PPFIA2: variants seen among roughly 807,000 people sequenced by gnomAD.
PPFIA2 encodes PPFI scaffold protein A2, also known as liprin-alpha-2.
PPFIA2 carries 46 observed loss-of-function variants against 175.5 expected under a neutral mutation model. The observed-to-expected ratio is 0.26, with a 90% confidence interval of 0.21 to 0.34. PPFIA2 has a LOEUF of 0.34. Among genes scored for constraint, PPFIA2 ranks in the 10% least tolerant of loss-of-function variants. PPFIA2 has a pLI of 1.00. For missense variants in PPFIA2, 1,179 were observed against 1,506.1 expected (o/e 0.78, Z 3.60); for synonymous variants, 568 against 511.4 (o/e 1.11, Z -1.49).
intron 17 of PPFIA2, 78 bp from the exon 18 acceptor site, chr12:81,347,848 A>C (rs2059328328): frequency 6.5e-7 from 1 of 1,528,858 alleles, no homozygotes; most frequent in Non-Finnish European, 8.7e-7. Flanking sequence ...GATCATTGGA[A>C]TTCACATAAT....
intron 4 of PPFIA2, among the ~76,000 whole-genome samples, chr12:81,519,341 C>A (rs1230945732): frequency 6.6e-6 from 1 of 152,136 alleles, no homozygotes; most frequent in Non-Finnish European, 1.5e-5. Flanking sequence ...TACTTAAAGA[C>A]TAATTTTAAT....
intron 4 of PPFIA2, among the ~76,000 whole-genome samples, chr12:81,612,767 A>AT (rs1021956834): frequency 6.6e-6 from 1 of 152,254 alleles, no homozygotes; most frequent in Non-Finnish European, 1.5e-5. Context: ...AAATATGTAT[A>AT]TGAATGTACA....
At chr12:81,724,781 C>A (rs975936943) in intron 3 of PPFIA2, among the ~76,000 whole-genome samples, 5 of 150,878 alleles carry the variant, frequency 3.3e-5, no homozygotes, top group Non-Finnish European at 7.4e-5. Flanking sequence ...AATAGTGCTG[C>A]AATAAACATA....
At chr12:81,296,605 T>TG (rs35135017) in intron 23 of PPFIA2, 57,366 of 151,880 alleles carry the variant, frequency 0.38, 12,225 homozygotes, top group Non-Finnish European at 0.49. Context: ...GATTGACTGA[T>TG]TTTTTTTTCT....
chr12:81,278,080 G>A (rs2041018858), intron 27 of PPFIA2, among the ~76,000 whole-genome samples: 1 of 152,136 alleles, frequency 6.6e-6, no homozygotes, highest in South Asian at 2.1e-4. Context: ...TGGTTAGCGA[G>A]ACACACATTC....
chr12:81,383,895 T>C, intron 9 of PPFIA2, 128 bp downstream of exon 9: 4 of 711,580 alleles, frequency 5.6e-6, no homozygotes, highest in Admixed American at 6.2e-5. Flanking sequence ...TCATAACTAA[T>C]ATAATGCATG....
chr12:81,406,871 T>C (rs557472097), intron 7 of PPFIA2, among the ~76,000 whole-genome samples: 1 of 152,264 alleles, frequency 6.6e-6, no homozygotes, highest in African/African-American at 2.4e-5. Flanking sequence ...GACCAACATG[T>C]CACAAGACGA....
At chr12:81,568,257 T>A (rs1315496403) in intron 4 of PPFIA2, among the ~76,000 whole-genome samples, 1 of 152,174 alleles carries the variant, frequency 6.6e-6, no homozygotes, top group Non-Finnish European at 1.5e-5. Flanking sequence ...ACAGGTCATA[T>A]ATAAACTCAT....
intron 4 of PPFIA2, among the ~76,000 whole-genome samples, chr12:81,523,060 C>T (rs934773704): frequency 1.3e-5 from 2 of 152,028 alleles, no homozygotes; most frequent in Admixed American, 6.6e-5. Context: ...TTTTTTTGGC[C>T]AGGCCAGAAA....
chr12:81,653,646 T>C (rs544645833), intron 4 of PPFIA2, among the ~76,000 whole-genome samples: 1 of 152,028 alleles, frequency 6.6e-6, no homozygotes, highest in African/African-American at 2.4e-5. Flanking sequence ...CTTTAACTAA[T>C]GGCATCTATA....
chr12:81,344,153 C>A (rs1405979853), intron 19 of PPFIA2, among the ~76,000 whole-genome samples: 4 of 152,060 alleles, frequency 2.6e-5, no homozygotes, highest in African/African-American at 9.7e-5. Flanking sequence ...AAACCTTCTG[C>A]CCTGCTCCTT....
At chr12:81,542,953 C>A (rs546092393) in intron 4 of PPFIA2, among the ~76,000 whole-genome samples, 1 of 152,158 alleles carries the variant, frequency 6.6e-6, no homozygotes, top group African/African-American at 2.4e-5. Context: ...AATTAGAAAA[C>A]AAAAGTGGCC....
chr12:81,343,769 C>T (rs2140424448), intron 19 of PPFIA2, among the ~76,000 whole-genome samples: 1 of 152,156 alleles, frequency 6.6e-6, no homozygotes, highest in Middle Eastern at 3.4e-3. Flanking sequence ...TATTTATTCT[C>T]TTGATTTCAT....
chr12:81,474,760 T>C (rs1462998280), intron 4 of PPFIA2, among the ~76,000 whole-genome samples: 4 of 152,204 alleles, frequency 2.6e-5, no homozygotes, highest in Admixed American at 6.5e-5. Flanking sequence ...ATTGTTATTA[T>C]TTCTAAATGT....
At chr12:81,420,722 A>G (rs2046092008) in intron 7 of PPFIA2, among the ~76,000 whole-genome samples, 1 of 152,196 alleles carries the variant, frequency 6.6e-6, no homozygotes, top group East Asian at 1.9e-4. Context: ...AAAAAGAGAA[A>G]AAGAAAGAAA....
chr12:81,529,222 A>T (rs1271010412), intron 4 of PPFIA2, among the ~76,000 whole-genome samples: 1 of 152,006 alleles, frequency 6.6e-6, no homozygotes, highest in African/African-American at 2.4e-5. Flanking sequence ...AAAATACTAC[A>T]AAATATGTAC....
chr12:81,387,273 A>T (rs1180951409), intron 8 of PPFIA2, among the ~76,000 whole-genome samples: 7 of 152,092 alleles, frequency 4.6e-5, no homozygotes, highest in East Asian at 1.9e-4. Context: ...TTAATGTGAC[A>T]CTGATAAAGT....
chr12:81,739,881 A>G (rs2082124097), intron 3 of PPFIA2, among the ~76,000 whole-genome samples: 1 of 152,238 alleles, frequency 6.6e-6, no homozygotes, highest in Admixed American at 6.5e-5. Context: ...AACAAAAACA[A>G]AAACCTCTTC....
intron 3 of PPFIA2, among the ~76,000 whole-genome samples, chr12:81,684,189 C>G (rs1410669009): frequency 6.6e-6 from 1 of 152,088 alleles, no homozygotes; most frequent in African/African-American, 2.4e-5. Context: ...TCTGAATCAC[C>G]TTCCAAAACT....
Sources: gnomAD v4.1 joint callset for allele counts (sites outside exome capture counted in the v4.1 genomes callset) on GRCh38, gnomAD v4.1.1 for gene constraint, MANE v1.5 for transcripts, NCBI Gene and HGNC (gene_info 2026-07-23, HGNC 2026-07-21) for gene names.